Variants in SNAPC3 observed in about 807,000 individuals in gnomAD.
The protein encoded by SNAPC3 is small nuclear RNA activating complex polypeptide 3.
SNAPC3 carries 56 observed loss-of-function variants against 47.7 expected under a neutral mutation model. That is an observed-to-expected ratio of 1.18 (90% confidence interval 0.95 to 1.47). The LOEUF is 1.47. SNAPC3 is among the 40% of genes most tolerant of loss of function. SNAPC3 has a pLI of 0.00. For missense variants in SNAPC3, 665 were observed against 511.3 expected (o/e 1.30, Z -2.90); for synonymous variants, 235 against 189.9 (o/e 1.24, Z -1.95).
chr9:15,457,815 A>C lies in SNAPC3; in HGVS notation c.981-145A>C, dbSNP rs1003536203. On this transcript the variant is annotated intron_variant, in intron 7 of 8. Transcript: ENST00000380821. The stretch of plus-strand genomic sequence containing the variant: ...AACAGAATTTGGTGAAACATGGCAT[A>C]ACAAGTAATTCAGCAACATCTTGTA... The C allele has an allele frequency of 1.8e-5, 10 of 566,688 alleles. No homozygotes were observed. In the African/African-American group the frequency reaches 2.0e-4, roughly 11 times the overall value. The allele number at this position is 566,688 out of a possible 1,614,324, so 35.1% of individuals were successfully genotyped here.
At chr9:15,446,521 T>G (rs189792046) in intron 4 of SNAPC3, among the ~76,000 whole-genome samples, 14 of 152,338 alleles carry the variant, frequency 9.2e-5, no homozygotes, top group African/African-American at 3.1e-4. Flanking sequence ...CATGCTATTC[T>G]AATTTATGGA....
At chr9:15,450,533 A>AAATT (rs1273234247) in intron 5 of SNAPC3, among the ~76,000 whole-genome samples, 2 of 152,218 alleles carry the variant, frequency 1.3e-5, no homozygotes, top group African/African-American at 4.8e-5. Context: ...ATTGCTACAT[A>AAATT]CCAAAATCAC....
intron 2 of SNAPC3, among the ~76,000 whole-genome samples, chr9:15,425,648 G>C (rs1413308274): frequency 6.6e-6 from 1 of 152,196 alleles, no homozygotes; most frequent in East Asian, 1.9e-4. Context: ...CTCAATGAGA[G>C]TCCAAACTCC....
chr9:15,423,205 G>C lies in SNAPC3; in HGVS notation c.314+12G>C. 6.4e-7 allele frequency: 1 copy of C among 1,570,770 alleles called. No individual in the cohort carries two copies. The highest frequency in any genetic ancestry group is 1.4e-5 in the African/African-American group (1 of 72,806). ...AGGGCGGTGTGCGGGTGAGTGCGGA[G>C]CAAAGGGGCTCTTGCAGCTTGGGGT... On this transcript the variant is annotated intron_variant, in intron 1 of 8. Transcript: ENST00000380821.
chr9:15,447,439 C>G (rs191720600), intron 5 of SNAPC3, among the ~76,000 whole-genome samples, 195 bp downstream of exon 5: 1 of 152,286 alleles, frequency 6.6e-6, no homozygotes, highest in East Asian at 1.9e-4. Flanking sequence ...TTGATTTCTT[C>G]ATCTCTCATT....
At chr9:15,465,674 T>C, downstream of SNAPC3, 3 of 1,002,500 alleles carry the variant, frequency 3.0e-6, no homozygotes, top group Non-Finnish European at 4.4e-6. Context: ...TTTAAACCCA[T>C]GAAAAGACTG....
rs1221661055 is a variant in SNAPC3 at position 15,453,293 on chromosome 9, A to C, written c.980+88A>C. 9.4e-6 allele frequency: 10 copies of C among 1,065,618 alleles called. No individual in the cohort carries two copies. In the African/African-American group the frequency reaches 1.3e-4, roughly 14 times the overall value. The allele number at this position is 1,065,618 out of a possible 1,614,324, so 66.0% of individuals were successfully genotyped here. A position where few individuals can be genotyped will look rare whatever the true frequency, so the allele number is the denominator to read the frequency against. On this transcript the variant is annotated intron_variant, in intron 7 of 8. Transcript: ENST00000380821. ...CAGAGATAGTTTTTTTAAAAATAAGAGGAGTAAAAGTAATAACCATTGCAA... is the reference window on the plus strand; with the variant it reads ...CAGAGATAGTTTTTTTAAAAATAAGCGGAGTAAAAGTAATAACCATTGCAA...
At chr9:15,443,932 C>T (rs73417327) in intron 3 of SNAPC3, among the ~76,000 whole-genome samples, 6,148 of 152,238 alleles carry the variant, frequency 0.04, 385 homozygotes, top group African/African-American at 0.14. Context: ...TTCCAGAGTT[C>T]CCAAATAGTT....
intron 2 of SNAPC3, among the ~76,000 whole-genome samples, chr9:15,427,411 C>T (rs2031554532): frequency 6.6e-6 from 1 of 152,338 alleles, no homozygotes; most frequent in South Asian, 2.1e-4. Context: ...TGCAGTGGCT[C>T]AATCTCTCCT....
chr9:15,448,140 GGA>G (rs1466166815), intron 5 of SNAPC3, among the ~76,000 whole-genome samples: 3 of 152,148 alleles, frequency 2.0e-5, no homozygotes, highest in Non-Finnish European at 4.4e-5. Context: ...CAACAAGGAT[GGA>G]GATAGTGTTT....
At chr9:15,432,406 T>C (rs1282429568) in intron 2 of SNAPC3, among the ~76,000 whole-genome samples, 1 of 152,196 alleles carries the variant, frequency 6.6e-6, no homozygotes, top group Non-Finnish European at 1.5e-5. Flanking sequence ...TACTGGTCTC[T>C]AAACACCTTT....
chr9:15,422,908 C>T lies in SNAPC3; in HGVS notation c.29C>T (p.Thr10Met), dbSNP rs199853006. ...GCTGAAGGAAGCCGAGGTGGCCCTA[C>T]GTGTAGCGGGGTGGGTGGCAGGCAG... MAEGSRGGPTCSGVGGRQDP... is the reference protein window; with the variant it reads MAEGSRGGPMCSGVGGRQDP... Residue 10 changes from threonine to methionine, a missense_variant, in exon 1 of 9, where the codon ACG becomes ATG. Thr to Met is a moderately conservative substitution (Grantham distance 81). Coordinates refer to ENST00000380821, the MANE Select transcript of SNAPC3 (RefSeq NM_001039697.2). The T allele has an allele frequency of 4.6e-5, 71 of 1,534,780 alleles. No individual in the cohort carries two copies. The African/African-American group carries it at 6.2e-4, about 13-fold the overall frequency.
chr9:15,435,843 TC>T (rs780192099), intron 3 of SNAPC3, among the ~76,000 whole-genome samples: 7 of 49,982 alleles, frequency 1.4e-4, no homozygotes, highest in East Asian at 7.5e-4. Flanking sequence ...TACTTTTCTT[TC>T]TTTTTTTTTT....
Position 15,423,027 on chromosome 9 carries a change from C to T in SNAPC3, c.148C>T (p.Leu50=). 6.5e-7 allele frequency: 1 copy of T among 1,533,454 alleles called. No individual in the cohort carries two copies. Among genetic ancestry groups the T allele is most frequent in the Non-Finnish European group, 8.7e-7 (1 of 1,146,656 alleles). The allele number at this position is 1,533,454 out of a possible 1,614,324, so 95.0% of individuals were successfully genotyped here. A position where few individuals can be genotyped will look rare whatever the true frequency, so the allele number is the denominator to read the frequency against. Residue 50 remains leucine (L), a synonymous_variant, in exon 1 of 9, where the codon CTG becomes TTG. Transcript: ENST00000380821. The part of the protein sequence containing the change: ...RAFHVGAFGE[L]WRGRLRGAGD... ...TTTCCATGTGGGCGCCTTTGGGGAG[C>T]TGTGGCGGGGCCGTCTGCGCGGGGC...
At chr9:15,437,008 A>G (rs983789842) in intron 3 of SNAPC3, among the ~76,000 whole-genome samples, 42 of 150,980 alleles carry the variant, frequency 2.8e-4, no homozygotes, top group Non-Finnish European at 4.4e-4. Context: ...TATTTTTAAT[A>G]TAGATGGGGT....
chr9:15,456,543 A>G (rs966957325), intron 7 of SNAPC3, among the ~76,000 whole-genome samples: 5 of 152,114 alleles, frequency 3.3e-5, no homozygotes, highest in Non-Finnish European at 5.9e-5. Flanking sequence ...TCATGGCTCA[A>G]TGCAGCCTCA....
downstream of SNAPC3, chr9:15,463,581 CCACA>C (rs532640495): frequency 3.3e-4 from 50 of 152,022 alleles, no homozygotes; most frequent in Non-Finnish European, 5.3e-4. Flanking sequence ...GGAGTTTTGA[CCACA>C]CACACAAATT....
In SNAPC3 at chr9:15,453,042, A is replaced by G. The variant is rs1220872961; in HGVS notation, c.817A>G (p.Thr273Ala). Residue 273 changes from threonine to alanine, a missense_variant and splice_region_variant, in exon 7 of 9, where the codon ACT (threonine) becomes GCT (alanine). Transcript: ENST00000380821. ...RYPECRDLSR[T>A]IIEWSESHDR... ...TATCCTTGCCTTTTCCCCCCTCAGA[A>G]CTATCATTGAGTGGTCAGAGTCCCA... 2 of 1,607,458 alleles carry G rather than the reference A, an allele frequency of 1.2e-6. No individual in the cohort carries two copies. The highest frequency in any genetic ancestry group is 1.1e-5 in the South Asian group (1 of 89,302).
chr9:15,447,625 GT>G (rs1335012932), intron 5 of SNAPC3, among the ~76,000 whole-genome samples: 1 of 152,068 alleles, frequency 6.6e-6, no homozygotes, highest in Non-Finnish European at 1.5e-5. Context: ...TTTCTAAGCA[GT>G]TGGTCACTTT....
Sources: gnomAD v4.1 joint callset for allele counts (sites outside exome capture counted in the v4.1 genomes callset) on GRCh38, gnomAD v4.1.1 for gene constraint, MANE v1.5 for transcripts, NCBI Gene and HGNC (gene_info 2026-07-23, HGNC 2026-07-21) for gene names.